Variants in ZNF469 observed in about 807,000 individuals in gnomAD.
ZNF469 encodes zinc finger protein 469.
A neutral mutation model predicts 1.0 loss-of-function variants in ZNF469; 1 was observed. The ratio of observed to expected loss-of-function variants is 1.00; its 90% CI spans 0.35 to 4.73. The LOEUF (loss-of-function observed/expected upper bound fraction) is 4.73. ZNF469 is among the 30% of genes most tolerant of loss of function. The pLI, the probability that ZNF469 is intolerant of heterozygous loss-of-function variation, is 0.16. For missense variants in ZNF469, 6,100 were observed against 5,356.3 expected, an observed-to-expected ratio of 1.14 and a Z score of -4.33; for synonymous variants, 2,703 against 2,363.4, an observed-to-expected ratio of 1.14 and a Z score of -4.17.
At position 88,437,961 on chromosome 16, in the gene ZNF469, C is replaced by T. The variant is rs989829002; in HGVS notation, c.10491C>T (p.Ser3497=). The T allele has an allele frequency of 5.2e-6, 8 of 1,546,174 alleles. No homozygotes were observed. Among genetic ancestry groups the T allele is most frequent in the African/African-American group, 4.1e-5 (3 of 73,008 alleles). Residue 3497 remains serine (S), a synonymous_variant, in exon 3 of 3, where the codon AGC becomes AGT. Transcript: ENST00000565624. ...ACAGGCCTCCTCCCCGGGGAAGCAG[C>T]CCCATCCTGAGTGAGGGCTCTCTCC... is the stretch of plus-strand genomic sequence containing the variant. ...GEDRPPPRGS[S]PILSEGSLPA... is the part of the protein sequence containing the mutation.
the ZNF469 span, among the ~76,000 whole-genome samples, chr16:88,318,139 C>T: frequency 1.8e-3 from 275 of 152,356 alleles, 1 homozygote; most frequent in African/African-American, 6.3e-3. Flanking sequence ...CAGCCGGTGG[C>T]AGCTCCACCC....
the ZNF469 span, among the ~76,000 whole-genome samples, chr16:88,317,727 C>A: frequency 6.6e-6 from 1 of 152,234 alleles, no homozygotes; most frequent in Admixed American, 6.5e-5. Flanking sequence ...TGCAGCTTCC[C>A]AGACGCCTTT....
the ZNF469 span, among the ~76,000 whole-genome samples, chr16:88,215,775 C>A: frequency 6.6e-6 from 1 of 151,944 alleles, no homozygotes; most frequent in African/African-American, 2.4e-5. Context: ...GTTACCTTAG[C>A]GATTAAAACA....
chr16:88,436,698 A>G lies in ZNF469; in HGVS notation c.9228A>G (p.Leu3076=), dbSNP rs1906602843. The change falls in exon 3 of 3, where the codon TTA becomes TTG. Residue 3076 remains leucine, a synonymous_variant. Coordinates refer to ENST00000565624, the MANE Select transcript of ZNF469 (RefSeq NM_001367624.2). ...DPVGLPGPSF[L]DFEGTASSQG... is the part of the protein sequence containing the mutation. ...TGGGTCTCCCCGGCCCCAGCTTCTT[A>G]GACTTCGAGGGCACGGCGAGCTCAC... 1 of 1,550,012 alleles carries G rather than the reference A, an allele frequency of 6.5e-7. No individual in the cohort carries two copies.
At chr16:88,238,499 C>A in the ZNF469 span, among the ~76,000 whole-genome samples, 1 of 152,212 alleles carries the variant, frequency 6.6e-6, no homozygotes, top group Non-Finnish European at 1.5e-5. Context: ...CAGATAGACT[C>A]TAGGTAGACC....
rs781179587 is a variant in ZNF469 at position 88,438,070 on chromosome 16, G to A, written c.10600G>A (p.Val3534Met). The A allele has an allele frequency of 1.9e-5, 29 of 1,550,266 alleles. No homozygotes were observed. The highest frequency in any genetic ancestry group is 2.3e-5 in the Non-Finnish European group (26 of 1,146,966). The change falls in exon 3 of 3, where the codon GTG (valine) becomes ATG (methionine). Residue 3534 changes from valine to methionine, a missense_variant. By Grantham distance (21) the Val-to-Met change is conservative. Transcript: ENST00000565624. ...GACCCTAGAGAGGCCTGTAGACCCC[G>A]TGACCCACCCGATCAGAGGTTGTGA... ...PETLERPVDP[V>M]THPIRGCELP...
At chr16:88,412,592 CA>C (rs1905201379) in intron 1 of ZNF469, among the ~76,000 whole-genome samples, 1 of 152,202 alleles carries the variant, frequency 6.6e-6, no homozygotes, top group Admixed American at 6.5e-5. Flanking sequence ...AGAGTTGCCC[CA>C]GACTGGGCCC....
Position 88,432,339 on chromosome 16 carries a change from G to T in ZNF469, c.4869G>T (p.Ser1623=). 1 of 1,548,312 alleles carries T rather than the reference G, an allele frequency of 6.5e-7. No individual in the cohort carries two copies. Among genetic ancestry groups the T allele is most frequent in the Non-Finnish European group, 8.7e-7 (1 of 1,146,878 alleles). ...CCGTGCCCCACGAGGACACGTTCTC[G>T]GCAGCTGACCTCACGCGCGTTGGAG... The part of the protein sequence containing the change: ...QATVPHEDTF[S]AADLTRVGES... The change falls in exon 3 of 3, where the codon TCG becomes TCT. Residue 1623 remains serine, a synonymous_variant. Coordinates refer to ENST00000565624, the MANE Select transcript of ZNF469 (RefSeq NM_001367624.2).
Position 88,435,870 on chromosome 16 carries a change from G to C in ZNF469, c.8400G>C (p.Leu2800=), listed in dbSNP as rs1484669782. The C allele has an allele frequency of 6.5e-7, 1 of 1,550,258 alleles. No homozygotes were observed. Among genetic ancestry groups the C allele is most frequent in the Non-Finnish European group, 8.7e-7 (1 of 1,146,960 alleles). ...AGAACACGCCCCCCTTGGGCCCCCT[G>C]GGTTTTCCCGAGACTTCCAGCTCTC... ...WEENTPPLGP[L]GFPETSSSPA... is the part of the protein sequence containing the mutation. Residue 2800 remains leucine (L), a synonymous_variant, in exon 3 of 3, where the codon CTG becomes CTC. Transcript: ENST00000565624.
intron 1 of ZNF469, among the ~76,000 whole-genome samples, chr16:88,395,029 G>C (rs1031458591): frequency 6.6e-6 from 1 of 152,238 alleles, no homozygotes; most frequent in Non-Finnish European, 1.5e-5. Flanking sequence ...GTCTTGGCCA[G>C]TACAGCCTCA....
chr16:88,150,736 C>G, the ZNF469 span, among the ~76,000 whole-genome samples: 3 of 118,280 alleles, frequency 2.5e-5, no homozygotes, highest in South Asian at 2.8e-4. Flanking sequence ...TTTCCAGGTT[C>G]GAGTTTCCGG....
chr16:88,309,548 G>T, the ZNF469 span, among the ~76,000 whole-genome samples: 4 of 144,780 alleles, frequency 2.8e-5, no homozygotes, highest in Non-Finnish European at 6.0e-5. Flanking sequence ...GACACCTGAT[G>T]GGGGGAGTAC....
upstream of ZNF469, among the ~76,000 whole-genome samples, chr16:88,381,288 G>T (rs112401602): frequency 5.7e-4 from 72 of 125,232 alleles, no homozygotes; most frequent in African/African-American, 2.1e-3. Context: ...TCACACACAC[G>T]CACTCACACA....
At chr16:88,124,219 A>T in the ZNF469 span, among the ~76,000 whole-genome samples, 1 of 152,080 alleles carries the variant, frequency 6.6e-6, no homozygotes, top group African/African-American at 2.4e-5. Context: ...CCAGTCTGTG[A>T]CTTGTTTTTT....
upstream of ZNF469, among the ~76,000 whole-genome samples, chr16:88,380,473 TCACA>T (rs1226581338): frequency 2.0e-5 from 2 of 102,066 alleles, no homozygotes; most frequent in Admixed American, 1.0e-4. Flanking sequence ...ACACATGCAC[TCACA>T]CATACGTGCA....
chr16:88,282,793 G>A, the ZNF469 span, among the ~76,000 whole-genome samples: 4 of 152,346 alleles, frequency 2.6e-5, no homozygotes, highest in African/African-American at 9.6e-5. Context: ...CCTCGATGGA[G>A]TGGATGCAGC....
the ZNF469 span, among the ~76,000 whole-genome samples, chr16:88,167,943 CA>C: frequency 6.6e-6 from 1 of 152,242 alleles, no homozygotes; most frequent in African/African-American, 2.4e-5. Flanking sequence ...GCGTCTTGAA[CA>C]CTGCCCCCCT....
chr16:88,239,978 G>C, the ZNF469 span, among the ~76,000 whole-genome samples: 306 of 149,740 alleles, frequency 2.0e-3, no homozygotes, highest in African/African-American at 7.2e-3. Context: ...GAAAAGCTCA[G>C]GCAGACCTGC....
chr16:88,126,962 G>C, the ZNF469 span, among the ~76,000 whole-genome samples: 1 of 152,180 alleles, frequency 6.6e-6, no homozygotes, highest in Non-Finnish European at 1.5e-5. Context: ...TGGGATTACA[G>C]TCACACGCCA....
Sources: gnomAD v4.1 joint callset for allele counts (sites outside exome capture counted in the v4.1 genomes callset) on GRCh38, gnomAD v4.1.1 for gene constraint, MANE v1.5 for transcripts, NCBI Gene and HGNC (gene_info 2026-07-23, HGNC 2026-07-21) for gene names.